KCNIP4: variants seen among roughly 807,000 people sequenced by gnomAD.
KCNIP4 encodes the protein potassium voltage-gated channel interacting protein 4, also known as Kv channel-interacting protein 4.
Under a neutral mutation model 34.0 loss-of-function variants are expected in KCNIP4, and 12 were observed. The observed-to-expected ratio is 0.35, with a 90% CI of 0.23 to 0.57. The LOEUF (loss-of-function observed/expected upper bound fraction) is 0.57. Ranked by LOEUF, KCNIP4 falls within the 20% of genes least tolerant of loss-of-function variation. The pLI is 0.83. For missense variants in KCNIP4, 238 were observed against 311.7 expected, an observed-to-expected ratio of 0.76 and a Z score of 1.78; for synonymous variants, 124 against 102.2, an observed-to-expected ratio of 1.21 and a Z score of -1.29.
At chr4:21,226,260 A>G (rs1454736154) in intron 1 of KCNIP4, among the ~76,000 whole-genome samples, 10 of 39,164 alleles carry the variant, frequency 2.6e-4, no homozygotes, top group Non-Finnish European at 4.0e-4. Flanking sequence ...GGAGGGAGGG[A>G]GGGAGGGAGG....
At chr4:21,355,479 G>A (rs541578706) in intron 1 of KCNIP4, among the ~76,000 whole-genome samples, 12 of 152,192 alleles carry the variant, frequency 7.9e-5, no homozygotes, top group South Asian at 4.2e-4. Context: ...TATCACCACC[G>A]ATCCCACAGA....
intron 1 of KCNIP4, among the ~76,000 whole-genome samples, chr4:21,196,325 T>C (rs1756054764): frequency 6.6e-6 from 1 of 152,218 alleles, no homozygotes; most frequent in South Asian, 2.1e-4. Flanking sequence ...CTAATCAGCT[T>C]TGGCATATTT....
At chr4:21,792,092 A>G (rs2109235493) in intron 1 of KCNIP4, among the ~76,000 whole-genome samples, 1 of 143,326 alleles carries the variant, frequency 7.0e-6, no homozygotes, top group South Asian at 2.3e-4. Context: ...CTGCTTTCTG[A>G]TTTTCGTGGT....
intron 1 of KCNIP4, among the ~76,000 whole-genome samples, chr4:21,753,960 G>C (rs1460410592): frequency 6.6e-6 from 1 of 152,072 alleles, no homozygotes; most frequent in Non-Finnish European, 1.5e-5. Flanking sequence ...CAGACTCCAA[G>C]AGCTACAGCT....
At chr4:21,771,226 C>T (rs752683133) in intron 1 of KCNIP4, among the ~76,000 whole-genome samples, 5 of 151,950 alleles carry the variant, frequency 3.3e-5, no homozygotes, top group Non-Finnish European at 5.9e-5. Context: ...GTTTTTGTCA[C>T]GTTTGTTGAA....
chr4:20,875,416 T>C (rs1723912930), intron 2 of KCNIP4, among the ~76,000 whole-genome samples: 1 of 152,196 alleles, frequency 6.6e-6, no homozygotes, highest in South Asian at 2.1e-4. Flanking sequence ...GAGTTATTTT[T>C]AGGATATAAT....
chr4:21,151,868 T>A (rs1310389724), intron 1 of KCNIP4, among the ~76,000 whole-genome samples: 1 of 152,168 alleles, frequency 6.6e-6, no homozygotes, highest in East Asian at 1.9e-4. Flanking sequence ...TTAGCCCTTT[T>A]TCTCCTCCAT....
intron 1 of KCNIP4, among the ~76,000 whole-genome samples, chr4:20,955,906 G>T (rs1270562943): frequency 6.6e-6 from 1 of 152,064 alleles, no homozygotes; most frequent in Non-Finnish European, 1.5e-5. Context: ...AGGTTATAGT[G>T]CTTATTATTG....
intron 5 of KCNIP4, among the ~76,000 whole-genome samples, chr4:20,744,422 A>G (rs1751940859): frequency 6.6e-6 from 1 of 151,360 alleles, no homozygotes; most frequent in Admixed American, 6.6e-5. Context: ...TTAAGAAAAT[A>G]TGGCACTATA....
chr4:21,700,248 G>A (rs1173387201), intron 1 of KCNIP4, among the ~76,000 whole-genome samples: 1 of 152,100 alleles, frequency 6.6e-6, no homozygotes, highest in Non-Finnish European at 1.5e-5. Context: ...TAGGATACTT[G>A]TTATCTTTTG....
chr4:21,675,337 T>G lies in KCNIP4; in HGVS notation c.61+273234A>C, dbSNP rs996070613. On this transcript the variant is annotated intron_variant, in intron 1 of 8. Transcript: ENST00000382152. ...GGGGGAGGTGAGGATGATTAATGGG[T>G]GCAAAAAATAATTAGAAAGAATGAA... is the stretch of plus-strand genomic sequence containing the variant. Among the ~76,000 whole-genome samples the G allele has an allele frequency of 5.3e-5, 8 of 152,032 alleles. No homozygotes were observed. In the East Asian group the frequency reaches 1.4e-3, roughly 26 times the overall value.
At chr4:21,515,965 G>C (rs1734724147) in intron 1 of KCNIP4, among the ~76,000 whole-genome samples, 1 of 152,066 alleles carries the variant, frequency 6.6e-6, no homozygotes. Context: ...TTGGCTAAGA[G>C]AATGAGGTCT....
chr4:20,908,802 G>A (rs550430426), intron 1 of KCNIP4, among the ~76,000 whole-genome samples: 1 of 152,334 alleles, frequency 6.6e-6, no homozygotes, highest in South Asian at 2.1e-4. Context: ...TTTCCTCACA[G>A]ACAGAGCAAG....
intron 1 of KCNIP4, among the ~76,000 whole-genome samples, chr4:20,945,552 A>G (rs992126697): frequency 1.3e-5 from 2 of 152,112 alleles, no homozygotes; most frequent in African/African-American, 4.8e-5. Context: ...GTTATATCCA[A>G]CCAAACTCAC....
intron 1 of KCNIP4, among the ~76,000 whole-genome samples, chr4:20,894,070 G>A (rs963436082): frequency 2.0e-5 from 3 of 151,856 alleles, no homozygotes; most frequent in African/African-American, 7.3e-5. Context: ...TGGTAGAGAT[G>A]GGATTTCACT....
chr4:21,604,282 C>T (rs770594518), intron 1 of KCNIP4, among the ~76,000 whole-genome samples: 56 of 152,112 alleles, frequency 3.7e-4, no homozygotes, highest in Non-Finnish European at 6.6e-4. Context: ...TGAATGCCTA[C>T]TTTTTGCTGT....
chr4:21,857,563 C>A (rs572345163), intron 1 of KCNIP4, among the ~76,000 whole-genome samples: 1 of 152,180 alleles, frequency 6.6e-6, no homozygotes, highest in African/African-American at 2.4e-5. Flanking sequence ...AGGAGCTAAC[C>A]ACTCCAGGGT....
chr4:21,948,742 C>T lies in KCNIP4; in HGVS notation c.-111G>A, dbSNP rs1168269025. On this transcript the variant is annotated 5_prime_UTR_variant, in exon 1 of 9. Coordinates refer to ENST00000382152, the MANE Select transcript of KCNIP4 (RefSeq NM_025221.6). ...CCGCTCGGCCCGGGGGCGTCCGTGGCGCTGGGAGCGAGAGCTTCGGCGGCG... is the reference window on the plus strand; with the variant it reads ...CCGCTCGGCCCGGGGGCGTCCGTGGTGCTGGGAGCGAGAGCTTCGGCGGCG... 10 of 1,237,796 alleles carry T rather than the reference C, an allele frequency of 8.1e-6. No individual in the cohort carries two copies. Among genetic ancestry groups the T allele is most frequent in the Non-Finnish European group, 9.2e-6 (9 of 976,458 alleles). The allele number at this position is 1,237,796 out of a possible 1,614,324, so 76.7% of individuals were successfully genotyped here. A position where few individuals can be genotyped will look rare whatever the true frequency, so the allele number is the denominator to read the frequency against.
intron 1 of KCNIP4, among the ~76,000 whole-genome samples, chr4:20,936,646 A>C (rs1163123332): frequency 3.3e-5 from 5 of 152,106 alleles, no homozygotes. Context: ...TCCATATCCT[A>C]TGAGTCTTCA....
Sources: allele counts gnomAD v4.1 joint callset (sites outside exome capture counted in the v4.1 genomes callset), GRCh38; gene constraint gnomAD v4.1.1; transcripts MANE v1.5; gene names NCBI Gene and HGNC (gene_info 2026-07-23, HGNC 2026-07-21).